Variants in LRRIQ1 observed in about 807,000 individuals in gnomAD.
LRRIQ1 encodes leucine-rich repeat- and IQ domain-containing protein 1.
In LRRIQ1, 210 loss-of-function variants were observed where a neutral mutation model predicts 211.9. The observed-to-expected ratio is 0.99, with a 90% CI of 0.89 to 1.11. The LOEUF is 1.11. LRRIQ1 is among the 50% of genes most tolerant of loss of function. The pLI, the probability that LRRIQ1 is intolerant of heterozygous loss-of-function variation, is 0.00. For synonymous variants in LRRIQ1, 699 were observed against 650.1 expected (o/e 1.08, Z -1.14); for missense variants, 2,136 against 1,939.5 (o/e 1.10, Z -1.90).
At chr12:85,219,084 C>T (rs779556859) in intron 24 of LRRIQ1, among the ~76,000 whole-genome samples, 119 of 152,082 alleles carry the variant, frequency 7.8e-4, no homozygotes, top group African/African-American at 2.6e-3. Flanking sequence ...CTAGTTATAG[C>T]ACACATGGAG....
intron 24 of LRRIQ1, among the ~76,000 whole-genome samples, 165 bp from the exon 25 acceptor site, chr12:85,229,352 C>T (rs1025567231): frequency 2.6e-4 from 40 of 152,060 alleles, no homozygotes; most frequent in African/African-American, 9.7e-4. Flanking sequence ...TAATCTGTGA[C>T]TGACATTACT....
At chr12:85,117,358 ATGGAAGTT>A (rs1887654501) in intron 15 of LRRIQ1, among the ~76,000 whole-genome samples, 1 of 152,220 alleles carries the variant, frequency 6.6e-6, no homozygotes, top group Non-Finnish European at 1.5e-5. Context: ...GGTGAAAAGT[ATGGAAGTT>A]TCAACAGCTT....
At chr12:85,254,526 TATA>T (rs1452789546) in intron 1 of LRRIQ1, among the ~76,000 whole-genome samples, 19 of 152,230 alleles carry the variant, frequency 1.2e-4, no homozygotes. Flanking sequence ...AGTTATGTAT[TATA>T]ATGTCCTTGC....
At position 85,257,171 on chromosome 12, in the gene LRRIQ1, A is replaced by G. The variant is rs1314370096; in HGVS notation, c.122-5744A>G. Among the ~76,000 whole-genome samples the G allele has an allele frequency of 9.3e-3, 4 of 428 alleles. No individual in the cohort carries two copies. In the South Asian group the frequency reaches 0.2, roughly 21 times the overall value. 0.3% of individuals were successfully genotyped at this position (428 alleles called of 152,430 possible). The stretch of plus-strand genomic sequence containing the variant: ...ATATGATTATATATAATTATATAAT[A>G]ATTATGTATTAATTATATATTATAT... On this transcript the variant is annotated intron_variant, in intron 1 of 1. Transcript: ENST00000602731.
intron 19 of LRRIQ1, among the ~76,000 whole-genome samples, chr12:85,145,156 C>T (rs1377367305): frequency 6.6e-6 from 1 of 151,442 alleles, no homozygotes; most frequent in African/African-American, 2.4e-5. Flanking sequence ...TACAATATGG[C>T]AGACACCATG....
chr12:85,129,758 T>C (rs1025920004), intron 18 of LRRIQ1, among the ~76,000 whole-genome samples: 5 of 152,050 alleles, frequency 3.3e-5, no homozygotes, highest in Admixed American at 3.3e-4. Flanking sequence ...AAGTCAAAGG[T>C]CTTATATGAT....
At chr12:85,249,761 G>T (rs900208008), downstream of LRRIQ1, among the ~76,000 whole-genome samples, 3 of 151,764 alleles carry the variant, frequency 2.0e-5, no homozygotes, top group South Asian at 4.1e-4. Context: ...AACATTCATG[G>T]ACTTCTTTAT....
In LRRIQ1 at chr12:85,056,740, T is replaced by C. The variant is rs1328674802; in HGVS notation, c.1947T>C (p.Asn649=). 6.2e-7 allele frequency: 1 copy of C among 1,604,642 alleles called. No homozygotes were observed. Among genetic ancestry groups the C allele is most frequent in the South Asian group, 1.1e-5 (1 of 88,480 alleles). ...AAATTGAGGAGAACCCAAAAGACAATGCTTGGAATAGTGGCATTGTGATTT... is the reference window on the plus strand; with the variant it reads ...AAATTGAGGAGAACCCAAAAGACAACGCTTGGAATAGTGGCATTGTGATTT... The part of the protein sequence containing the change: ...SKEIEENPKD[N]AWNSGIVIFN... Residue 649 remains asparagine, a synonymous_variant, in exon 8 of 27, where the codon AAT becomes AAC. Coordinates refer to ENST00000393217, the MANE Select transcript of LRRIQ1 (RefSeq NM_001079910.2).
At chr12:85,069,786 GTT>G (rs1193795305) in intron 10 of LRRIQ1, among the ~76,000 whole-genome samples, 1 of 152,002 alleles carries the variant, frequency 6.6e-6, no homozygotes, top group South Asian at 2.1e-4. Context: ...TGATGGGGTT[GTT>G]TGTTTTTTTC....
At chr12:85,267,896 A>G (rs1475637620), downstream of LRRIQ1, among the ~76,000 whole-genome samples, 1 of 151,990 alleles carries the variant, frequency 6.6e-6, no homozygotes, top group African/African-American at 2.4e-5. Context: ...AAACTCTCTG[A>G]GCCTGTTTCC....
intron 3 of LRRIQ1, 25 bp from the exon 4 acceptor site, chr12:85,044,693 T>G: frequency 8.3e-7 from 1 of 1,201,324 alleles, no homozygotes; most frequent in Non-Finnish European, 1.2e-6. Flanking sequence ...ATATTGGAAG[T>G]TATATACATT....
intron 15 of LRRIQ1, among the ~76,000 whole-genome samples, chr12:85,111,129 A>G (rs983737041): frequency 6.6e-6 from 1 of 152,134 alleles, no homozygotes; most frequent in Non-Finnish European, 1.5e-5. Flanking sequence ...TTCAGCCTGT[A>G]TAATGTAGGC....
rs535821055 is a variant in LRRIQ1, at chr12:85,191,970, T to C, written c.4822+31256T>C. ...GACCATATTTTAATGGGGTTGTTCG[T>C]TTTCTAATTGTTGAGTTAAAAATTT... is the stretch of plus-strand genomic sequence containing the variant. On this transcript the variant is annotated intron_variant, in intron 24 of 26. Coordinates refer to ENST00000393217, the MANE Select transcript of LRRIQ1 (RefSeq NM_001079910.2). 1.5e-3 allele frequency among the ~76,000 whole-genome samples: 222 copies of C among 152,004 alleles called. 1 individual carries two copies. Among genetic ancestry groups the C allele is most frequent in the Non-Finnish European group, 2.8e-3 (189 of 67,926 alleles).
intron 24 of LRRIQ1, among the ~76,000 whole-genome samples, chr12:85,176,090 C>T (rs549631562): frequency 2.2e-3 from 333 of 152,140 alleles, no homozygotes; most frequent in African/African-American, 7.8e-3. Context: ...TGTAAATTAC[C>T]TTGGGCAGTA....
At chr12:85,175,116 A>G (rs1053090800) in intron 24 of LRRIQ1, among the ~76,000 whole-genome samples, 1 of 152,192 alleles carries the variant, frequency 6.6e-6, no homozygotes, top group Non-Finnish European at 1.5e-5. Context: ...ATTTAAGAAT[A>G]TAAAAGCATG....
At chr12:85,225,318 A>G (rs2137153521) in intron 24 of LRRIQ1, among the ~76,000 whole-genome samples, 1 of 152,288 alleles carries the variant, frequency 6.6e-6, no homozygotes, top group South Asian at 2.1e-4. Context: ...CCTGGAACCA[A>G]TCCCTTATGG....
At chr12:85,099,903 A>G (rs780676032) in intron 13 of LRRIQ1, among the ~76,000 whole-genome samples, 3 of 151,842 alleles carry the variant, frequency 2.0e-5, no homozygotes, top group Non-Finnish European at 4.4e-5. Context: ...ACAAATATGT[A>G]TTCAAAAAAT....
Position 85,127,957 on chromosome 12 carries a change from C to CTA in LRRIQ1, c.4135_4136dup (p.Leu1380PhefsTer2). ...CCAAATTCTTCCATCAAGAATCAGA[C>CTA]TATTTTAAAGAAAGGAAAAAGAGAA... On this transcript the variant is annotated frameshift_variant, in exon 18 of 27. Coordinates refer to ENST00000393217, the MANE Select transcript of LRRIQ1 (RefSeq NM_001079910.2). LOFTEE classifies it high-confidence loss of function. 2 of 1,613,448 alleles carry CTA rather than the reference C, an allele frequency of 1.2e-6. No homozygotes were observed. The highest frequency in any genetic ancestry group is 1.7e-6 in the Non-Finnish European group (2 of 1,179,586).
At chr12:85,138,058 C>G in intron 19 of LRRIQ1, 89 bp downstream of exon 19, 2 of 787,732 alleles carry the variant, frequency 2.5e-6, no homozygotes, top group South Asian at 2.4e-5. Context: ...AGGTGTTTAT[C>G]CTATTAATAT....
Sources: allele counts gnomAD v4.1 joint callset (sites outside exome capture counted in the v4.1 genomes callset), GRCh38; gene constraint gnomAD v4.1.1; transcripts MANE v1.5; gene names NCBI Gene and HGNC (gene_info 2026-07-23, HGNC 2026-07-21).